The following MTHFD2L variants were observed in gnomAD, a reference collection of about 807,000 sequenced individuals.
MTHFD2L encodes methylenetetrahydrofolate dehydrogenase (NADP+ dependent) 2 like.
A neutral mutation model predicts 34.9 loss-of-function variants in MTHFD2L; 29 were observed. The ratio of observed to expected loss-of-function variants is 0.83; its 90% confidence interval spans 0.62 to 1.13. MTHFD2L has a LOEUF of 1.13. Among genes scored for constraint, MTHFD2L ranks in the 50% most tolerant of loss-of-function variants. MTHFD2L has a pLI of 0.00. For synonymous variants in MTHFD2L, 167 were observed against 155.7 expected, an observed-to-expected ratio of 1.07 and a Z score of -0.54; for missense variants, 481 against 446.5, an observed-to-expected ratio of 1.08 and a Z score of -0.70.
intron 6 of MTHFD2L, among the ~76,000 whole-genome samples, chr4:74,263,541 A>G (rs1018071521): frequency 2.6e-5 from 4 of 151,434 alleles, no homozygotes; most frequent in Non-Finnish European, 1.5e-5. Flanking sequence ...GAGATCTTTC[A>G]CCTCCCTAAT....
upstream of MTHFD2L, among the ~76,000 whole-genome samples, chr4:74,153,271 A>G (rs944177489): frequency 6.6e-6 from 1 of 152,242 alleles, no homozygotes; most frequent in African/African-American, 2.4e-5. Flanking sequence ...TTTTGTTACA[A>G]CAATGAATGC....
At chr4:74,137,746 A>T (rs1340502885) in intron 1 of MTHFD2L, among the ~76,000 whole-genome samples, 1 of 152,220 alleles carries the variant, frequency 6.6e-6, no homozygotes, top group Non-Finnish European at 1.5e-5. Context: ...AAAACGTGGT[A>T]CATATACACA....
chr4:74,184,302 A>T (rs1202759299), intron 3 of MTHFD2L, among the ~76,000 whole-genome samples: 1 of 152,224 alleles, frequency 6.6e-6, no homozygotes, highest in Non-Finnish European at 1.5e-5. Flanking sequence ...AACTATAAGG[A>T]CACAGGGAGG....
chr4:74,207,735 T>G (rs1213047830), intron 5 of MTHFD2L, among the ~76,000 whole-genome samples: 2 of 149,712 alleles, frequency 1.3e-5, no homozygotes, highest in Non-Finnish European at 3.0e-5. Context: ...GCCTTCCCTT[T>G]GTGAGAATTA....
At chr4:74,140,716 A>T (rs1578245783) in intron 1 of MTHFD2L, among the ~76,000 whole-genome samples, 1 of 152,342 alleles carries the variant, frequency 6.6e-6, no homozygotes, top group Non-Finnish European at 1.5e-5. Flanking sequence ...ACTTACAATC[A>T]TGGCAGAAGG....
chr4:74,161,038 T>C (rs1290498996), intron 1 of MTHFD2L: 1 of 152,226 alleles, frequency 6.6e-6, no homozygotes, highest in African/African-American at 2.4e-5. Context: ...GATTCTCTTT[T>C]TTGTCTTCAT....
chr4:74,229,593 AAG>A (rs1186066095), intron 6 of MTHFD2L, among the ~76,000 whole-genome samples: 1 of 152,174 alleles, frequency 6.6e-6, no homozygotes, highest in Admixed American at 6.5e-5. Flanking sequence ...AAGAAAGTAA[AAG>A]AGGAAATCCT....
chr4:74,136,615 GT>G (rs1722951895), intron 1 of MTHFD2L, among the ~76,000 whole-genome samples: 1 of 151,920 alleles, frequency 6.6e-6, no homozygotes, highest in African/African-American at 2.4e-5. Context: ...TCACAGAAAT[GT>G]TTTAAAAATC....
intron 7 of MTHFD2L, among the ~76,000 whole-genome samples, chr4:74,286,023 A>C (rs1286892544): frequency 6.6e-6 from 1 of 152,126 alleles, no homozygotes; most frequent in East Asian, 1.9e-4. Flanking sequence ...CTTTCCTGCA[A>C]TGCCATGCCT....
intron 5 of MTHFD2L, 61 bp downstream of exon 5, chr4:74,201,431 A>G: frequency 8.0e-7 from 1 of 1,242,496 alleles, no homozygotes. Flanking sequence ...TACATCATCA[A>G]GTAAACACTT....
chr4:74,127,720 G>C (rs1722179376), intron 1 of MTHFD2L, among the ~76,000 whole-genome samples: 1 of 152,108 alleles, frequency 6.6e-6, no homozygotes, highest in African/African-American at 2.4e-5. Flanking sequence ...TGGGATTGCA[G>C]ATACCTCTTT....
At chr4:74,151,927 T>A (rs1723965502) in intron 1 of MTHFD2L, among the ~76,000 whole-genome samples, 1 of 152,170 alleles carries the variant, frequency 6.6e-6, no homozygotes, top group African/African-American at 2.4e-5. Context: ...TATTTTTATA[T>A]CTAGTTTATT....
At chr4:74,163,329 A>G (rs1251748749) in intron 1 of MTHFD2L, among the ~76,000 whole-genome samples, 1 of 152,144 alleles carries the variant, frequency 6.6e-6, no homozygotes, top group Non-Finnish European at 1.5e-5. Context: ...TTTATATTGA[A>G]TGTTTAAAAG....
At chr4:74,119,291 T>C (rs1226514561), upstream of MTHFD2L, among the ~76,000 whole-genome samples, 2 of 152,212 alleles carry the variant, frequency 1.3e-5, no homozygotes, top group African/African-American at 4.8e-5. Flanking sequence ...CTGCCCATTA[T>C]TTTATTTGTC....
chr4:74,243,229 T>C (rs1340449776), intron 6 of MTHFD2L, among the ~76,000 whole-genome samples: 5 of 152,228 alleles, frequency 3.3e-5, no homozygotes, highest in African/African-American at 9.6e-5. Context: ...GTTTTAACTA[T>C]GCATAAATCG....
chr4:74,175,691 A>C (rs1336823884), intron 3 of MTHFD2L, among the ~76,000 whole-genome samples: 2 of 152,080 alleles, frequency 1.3e-5, no homozygotes, highest in Non-Finnish European at 2.9e-5. Flanking sequence ...ATGTGATCTT[A>C]ATAATCAAAG....
At chr4:74,300,099 T>C (rs1158452641) in intron 7 of MTHFD2L, among the ~76,000 whole-genome samples, 1 of 152,148 alleles carries the variant, frequency 6.6e-6, no homozygotes, top group African/African-American at 2.4e-5. Context: ...TTCTATAGAA[T>C]AGAATGCATT....
chr4:74,164,375 T>G (rs1333432525), intron 1 of MTHFD2L, among the ~76,000 whole-genome samples: 2 of 152,220 alleles, frequency 1.3e-5, no homozygotes, highest in East Asian at 1.9e-4. Context: ...ATCCTCCCCC[T>G]TTGTTATTTT....
At position 74,149,480 on chromosome 4, in the gene MTHFD2L, A is replaced by G. The variant is rs1367822642; in HGVS notation, c.-296-10575A>G. ...AAACACGGAGTAAAAGGGAAAAAGC[A>G]AGTGCTTGAAGACTGCATCCAGCTC... On this transcript the variant is annotated intron_variant, in intron 1 of 7. Transcript: ENST00000433372. Among the ~76,000 whole-genome samples, 7 of 147,024 alleles carry G rather than the reference A, an allele frequency of 4.8e-5. No individual in the cohort carries two copies. In the East Asian group the frequency reaches 1.3e-3, roughly 28 times the overall value.
Sources: gnomAD v4.1 joint callset for allele counts (sites outside exome capture counted in the v4.1 genomes callset) on GRCh38, gnomAD v4.1.1 for gene constraint, MANE v1.5 for transcripts, NCBI Gene and HGNC (gene_info 2026-07-23, HGNC 2026-07-21) for gene names.